Variants in FANK1 observed in about 807,000 individuals in gnomAD.
FANK1 encodes the protein fibronectin type III and ankyrin repeat domains 1, also known as fibronectin type 3 and ankyrin repeat domains protein 1.
FANK1 carries 44 observed loss-of-function variants against 45.3 expected under a neutral mutation model. That is an observed-to-expected ratio of 0.97 (90% CI 0.76 to 1.25). The LOEUF is 1.25. FANK1 is among the 50% of genes most tolerant of loss of function. The pLI is 0.00. For missense variants in FANK1, 391 were observed against 424.4 expected (o/e 0.92, Z 0.69); for synonymous variants, 149 against 152.5 (o/e 0.98, Z 0.17).
At chr10:125,908,230 A>G (rs1406298294) in intron 1 of FANK1, among the ~76,000 whole-genome samples, 5 of 152,102 alleles carry the variant, frequency 3.3e-5, no homozygotes, top group Non-Finnish European at 1.5e-5. Flanking sequence ...TCCTCACCTC[A>G]GGTGATCTGT....
At chr10:125,956,018 G>A (rs1468028166) in intron 1 of FANK1, among the ~76,000 whole-genome samples, 2 of 152,134 alleles carry the variant, frequency 1.3e-5, no homozygotes, top group African/African-American at 4.8e-5. Flanking sequence ...GGGAGGTGGG[G>A]GGCATTTAAG....
rs755643495 is a variant in FANK1, at chr10:126,004,876, T to C, written c.540-8T>C. 3.1e-6 allele frequency: 5 copies of C among 1,613,780 alleles called. No homozygotes were observed. The highest frequency in any genetic ancestry group is 1.6e-4 in the Middle Eastern group (1 of 6,062). On this transcript the variant is annotated splice_region_variant and splice_polypyrimidine_tract_variant and intron_variant, in intron 6 of 10. Coordinates refer to ENST00000368693, the MANE Select transcript of FANK1 (RefSeq NM_145235.5). ...ATTGTCAAATGCCGCTTCTTCCATA[T>C]GTTGCAGTCTAATGCTGGCGTGCTA...
Position 125,948,066 on chromosome 10 carries a change from C to T in FANK1, c.14-32095C>T, listed in dbSNP as rs545604902. Among the ~76,000 whole-genome samples the T allele has an allele frequency of 2.6e-3, 392 of 148,656 alleles. 3 individuals are homozygous for T. Among genetic ancestry groups the T allele is most frequent in the African/African-American group, 8.7e-3 (350 of 40,364 alleles). On this transcript the variant is annotated intron_variant, in intron 1 of 10. Transcript: ENST00000368693. ...AAATAAAGATGTTCTTTGAAACCAACGAGAACAAAGACACAACATACCAGA... is the reference window on the plus strand; with the variant it reads ...AAATAAAGATGTTCTTTGAAACCAATGAGAACAAAGACACAACATACCAGA...
At chr10:125,952,930 T>A (rs1406962838) in intron 1 of FANK1, among the ~76,000 whole-genome samples, 1 of 151,974 alleles carries the variant, frequency 6.6e-6, no homozygotes, top group Non-Finnish European at 1.5e-5. Flanking sequence ...GTTAATTTGC[T>A]TTATCCCCAT....
intron 1 of FANK1, among the ~76,000 whole-genome samples, chr10:125,948,551 A>G (rs1243543155): frequency 1.3e-5 from 2 of 152,210 alleles, no homozygotes; most frequent in Non-Finnish European, 2.9e-5. Flanking sequence ...CACTCTCCCA[A>G]GACTAAACCA....
intron 6 of FANK1, among the ~76,000 whole-genome samples, chr10:125,998,910 T>C (rs1048706822): frequency 2.0e-5 from 3 of 152,218 alleles, no homozygotes; most frequent in Non-Finnish European, 4.4e-5. Flanking sequence ...TTCTAGGCAC[T>C]GATAATAAAC....
At position 125,988,554 on chromosome 10, in the gene FANK1, A is replaced by G. The variant is rs200409805; in HGVS notation, c.195A>G (p.Gly65=). 2.8e-5 allele frequency: 45 copies of G among 1,614,072 alleles called. No homozygotes were observed. The African/African-American group carries it at 2.9e-4, about 11-fold the overall frequency. The change falls in exon 3 of 11, where the codon GGA becomes GGG. Residue 65 remains glycine, a synonymous_variant. Coordinates refer to ENST00000368693, the MANE Select transcript of FANK1 (RefSeq NM_145235.5). ...ATGTTTGTCTCCTCCTGTCTAGGGG[A>G]TATGCAACGAAGCATGTTGTTGAAG... The part of the protein sequence containing the change: ...KMHTYGIIYT[G]YATKHVVEGL...
intron 1 of FANK1, among the ~76,000 whole-genome samples, chr10:125,918,585 A>AAAAAAAACATATAT (rs1554913277): frequency 1.4e-5 from 1 of 70,976 alleles, no homozygotes; most frequent in African/African-American, 7.9e-5. Context: ...AAAAAAAAAA[A>AAAAAAAACATATAT]ATATATATAT....
intron 6 of FANK1, among the ~76,000 whole-genome samples, chr10:126,001,676 T>C (rs916290518): frequency 1.3e-5 from 2 of 152,158 alleles, no homozygotes; most frequent in African/African-American, 4.8e-5. Context: ...CAGATGGCAG[T>C]TGGGCTGGTG....
At chr10:125,949,837 G>C (rs1354404781) in intron 1 of FANK1, among the ~76,000 whole-genome samples, 3 of 148,156 alleles carry the variant, frequency 2.0e-5, no homozygotes, top group Non-Finnish European at 4.5e-5. Context: ...AACAAAGCTG[G>C]AGGCATCACA....
intron 1 of FANK1, among the ~76,000 whole-genome samples, chr10:125,960,611 C>T (rs1949863062): frequency 6.6e-6 from 1 of 152,232 alleles, no homozygotes; most frequent in Non-Finnish European, 1.5e-5. Context: ...ACTGCAAGCT[C>T]CACCTCCCGG....
At chr10:125,923,492 A>C (rs1255148844) in intron 1 of FANK1, among the ~76,000 whole-genome samples, 2 of 151,692 alleles carry the variant, frequency 1.3e-5, no homozygotes, top group Non-Finnish European at 2.9e-5. Flanking sequence ...TCTATGCTTT[A>C]AAGTCTGTTG....
intron 2 of FANK1, among the ~76,000 whole-genome samples, chr10:125,984,190 C>T (rs2090248): frequency 0.34 from 52,170 of 151,920 alleles, 9,604 homozygotes; most frequent in South Asian, 0.45. Flanking sequence ...CCATGCCCAC[C>T]GTGGGTCGGC....
At chr10:126,008,575 C>G in intron 8 of FANK1, 25 bp downstream of exon 8, 3 of 1,589,206 alleles carry the variant, frequency 1.9e-6, no homozygotes. Flanking sequence ...CGAAAATAGG[C>G]AGTTTTCTAC....
chr10:125,903,659 A>G (rs1295854695), intron 1 of FANK1, among the ~76,000 whole-genome samples: 26 of 150,958 alleles, frequency 1.7e-4, no homozygotes, highest in African/African-American at 5.6e-4. Flanking sequence ...TCGAGACCCC[A>G]TCTCTAATTT....
chr10:125,989,783 A>T (rs990038083), intron 3 of FANK1, among the ~76,000 whole-genome samples: 3 of 152,236 alleles, frequency 2.0e-5, no homozygotes, highest in Non-Finnish European at 4.4e-5. Context: ...GAAAGCAAAG[A>T]CAGCAGAACA....
At chr10:125,945,882 C>T (rs1161134982) in intron 1 of FANK1, among the ~76,000 whole-genome samples, 1 of 152,204 alleles carries the variant, frequency 6.6e-6, no homozygotes, top group Non-Finnish European at 1.5e-5. Context: ...CAGTGGTTCT[C>T]CCAGCACGCA....
chr10:125,951,759 G>T (rs1320869811), intron 1 of FANK1, among the ~76,000 whole-genome samples: 1 of 151,822 alleles, frequency 6.6e-6, no homozygotes, highest in African/African-American at 2.4e-5. Flanking sequence ...TCCTTTTTTG[G>T]TTTCCACTAA....
chr10:125,956,737 C>T (rs550192861), intron 1 of FANK1, among the ~76,000 whole-genome samples: 9 of 152,188 alleles, frequency 5.9e-5, no homozygotes, highest in Non-Finnish European at 8.8e-5. Flanking sequence ...TGAAGGGACT[C>T]GCTCAGGCCA....
Sources: allele counts gnomAD v4.1 joint callset (sites outside exome capture counted in the v4.1 genomes callset), GRCh38; gene constraint gnomAD v4.1.1; transcripts MANE v1.5; gene names NCBI Gene and HGNC (gene_info 2026-07-23, HGNC 2026-07-21).